The following STK38L variants were observed in gnomAD, a reference collection of about 807,000 sequenced individuals.
STK38L encodes the protein serine/threonine-protein kinase 38-like.
STK38L carries 28 observed loss-of-function variants against 59.7 expected under a neutral mutation model. The observed-to-expected ratio is 0.47, with a 90% CI of 0.35 to 0.64. The LOEUF is 0.64. Among genes scored for constraint, STK38L ranks in the 30% least tolerant of loss-of-function variants. STK38L has a pLI of 0.01. For missense variants in STK38L, 314 were observed against 555.8 expected (o/e 0.56, Z 4.37); for synonymous variants, 162 against 176.8 (o/e 0.92, Z 0.66).
intron 1 of STK38L, among the ~76,000 whole-genome samples, chr12:27,263,011 C>T (rs1381770385): frequency 6.6e-6 from 1 of 151,954 alleles, no homozygotes; most frequent in Non-Finnish European, 1.5e-5. Context: ...ATTGGCCAGG[C>T]TAGTCTTGAC....
At position 27,323,299 on chromosome 12, in the gene STK38L, G is replaced by T. The variant is rs1944773267; in HGVS notation, c.*844G>T. 6.6e-6 allele frequency: 1 copy of T among 152,296 alleles called. No individual in the cohort carries two copies. The allele number at this position is 152,296 out of a possible 1,614,324, so 9.4% of individuals were successfully genotyped here. On this transcript the variant is annotated 3_prime_UTR_variant, in exon 14 of 14. Transcript: ENST00000389032. Reference sequence around the variant, plus strand: ...GGCATTATTTTAATTTGATTATGGTGAGTTGAATTTAAGACATGACCATGA... The same window carrying T: ...GGCATTATTTTAATTTGATTATGGTTAGTTGAATTTAAGACATGACCATGA...
intron 1 of STK38L, among the ~76,000 whole-genome samples, chr12:27,281,070 T>TAACTGACTCTGGTTGTAAAAAGTAGGCA (rs1591884909): frequency 5.3e-4 from 6 of 11,380 alleles, no homozygotes; most frequent in East Asian, 1.6e-3. Flanking sequence ...TAGCTTTGTT[T>TAACTGACTCTGGTTGTAAAAAGTAGGCA]TTTTTTTTTT....
intron 1 of STK38L, among the ~76,000 whole-genome samples, chr12:27,251,599 A>G (rs529483732): frequency 5.9e-5 from 9 of 152,220 alleles, no homozygotes; most frequent in African/African-American, 1.4e-4. Context: ...TAAGGCCTCT[A>G]CAAAATTAGT....
chr12:27,270,891 G>C (rs1943409280), intron 1 of STK38L, among the ~76,000 whole-genome samples: 1 of 152,166 alleles, frequency 6.6e-6, no homozygotes, highest in Non-Finnish European at 1.5e-5. Flanking sequence ...AACTATCTAT[G>C]AATTACTTCC....
At chr12:27,314,959 C>A in intron 7 of STK38L, 56 bp from the exon 8 acceptor site, 2 of 1,360,272 alleles carry the variant, frequency 1.5e-6, no homozygotes, top group Non-Finnish European at 2.0e-6. Context: ...GAGTTTATAA[C>A]AAGGCTTTTT....
intron 6 of STK38L, 105 bp downstream of exon 6, chr12:27,312,777 TTTAC>T: frequency 1.5e-6 from 2 of 1,356,846 alleles, no homozygotes; most frequent in Non-Finnish European, 2.0e-6. Flanking sequence ...GCTCTGAGGC[TTTAC>T]ATAGTCACAG....
chr12:27,305,268 T>C lies in STK38L; in HGVS notation c.187-3071T>C, dbSNP rs1457100608. Among the ~76,000 whole-genome samples the C allele has an allele frequency of 2.6e-5, 4 of 152,378 alleles. No individual in the cohort carries two copies. The East Asian group carries it at 7.7e-4, about 29-fold the overall frequency. On this transcript the variant is annotated intron_variant, in intron 3 of 13. Coordinates refer to ENST00000389032, the MANE Select transcript of STK38L (RefSeq NM_015000.4). ...TGAATATAGTTTGTAGCTTCCTGTT[T>C]GCAACTTCTGGTCTGCATCAGCAAG...
chr12:27,315,384 CT>C, intron 9 of STK38L, 34 bp downstream of exon 9: 1 of 1,567,588 alleles, frequency 6.4e-7, no homozygotes, highest in Non-Finnish European at 8.7e-7. Context: ...AATTTTATGC[CT>C]TGGTTCTAAA....
rs755586232 is a variant in STK38L, at chr12:27,312,593, T to C, written c.438T>C (p.Asp146=). 16 of 1,614,012 alleles carry C rather than the reference T, an allele frequency of 9.9e-6. No homozygotes were observed. In the South Asian group the frequency reaches 1.8e-4, roughly 18 times the overall value. ...RAERDILVEA[D]GAWVVKMFYS... is the part of the protein sequence containing the mutation. ...AAAGAGATATTTTGGTAGAAGCAGA[T>C]GGTGCCTGGGTGGTGAAGATGTTTT... Residue 146 remains aspartate, a synonymous_variant, in exon 6 of 14, where the codon GAT becomes GAC. Transcript: ENST00000389032.
At chr12:27,315,176 G>A in intron 8 of STK38L, 59 bp downstream of exon 8, 1 of 1,574,064 alleles carries the variant, frequency 6.4e-7, no homozygotes, top group Non-Finnish European at 8.7e-7. Flanking sequence ...GAGAACAGAA[G>A]GTTCTTTCCC....
intron 1 of STK38L, among the ~76,000 whole-genome samples, chr12:27,286,844 G>T (rs1275665561): frequency 6.6e-6 from 1 of 152,018 alleles, no homozygotes; most frequent in Admixed American, 6.6e-5. Flanking sequence ...TCACTAAGGG[G>T]GTGTTTTCCC....
intron 1 of STK38L, among the ~76,000 whole-genome samples, chr12:27,270,141 GTTTAATC>G (rs2136617182): frequency 6.6e-6 from 1 of 152,306 alleles, no homozygotes; most frequent in East Asian, 1.9e-4. Context: ...GATTTCAAAA[GTTTAATC>G]TTAAGACTTT....
At chr12:27,297,920 A>G in intron 2 of STK38L, 66 bp downstream of exon 2, 1 of 1,572,630 alleles carries the variant, frequency 6.4e-7, no homozygotes, top group Non-Finnish European at 8.7e-7. Flanking sequence ...GTGGAATAGA[A>G]ACTTGTTTAC....
At chr12:27,288,854 A>G (rs1260112018) in intron 1 of STK38L, among the ~76,000 whole-genome samples, 1 of 130,198 alleles carries the variant, frequency 7.7e-6, no homozygotes, top group East Asian at 2.3e-4. Context: ...CCCCCCTGCC[A>G]TTTACTCCCC....
chr12:27,248,803 C>T (rs1942912044), intron 1 of STK38L, among the ~76,000 whole-genome samples: 1 of 152,044 alleles, frequency 6.6e-6, no homozygotes, highest in African/African-American at 2.4e-5. Context: ...ATTTAAAGCA[C>T]GTGTGTTTAT....
chr12:27,279,752 G>T (rs1943613578), intron 1 of STK38L, among the ~76,000 whole-genome samples: 1 of 151,226 alleles, frequency 6.6e-6, no homozygotes, highest in South Asian at 2.1e-4. Context: ...AAACCTTGAG[G>T]TGGTTGTTTT....
intron 1 of STK38L, among the ~76,000 whole-genome samples, chr12:27,260,416 G>T (rs1004931473): frequency 2.8e-4 from 42 of 152,144 alleles, no homozygotes; most frequent in African/African-American, 9.9e-4. Flanking sequence ...AGCATTTAGT[G>T]AAAGGGAACC....
At position 27,323,182 on chromosome 12, in the gene STK38L, C is replaced by CT. The variant is rs1944770314; in HGVS notation, c.*728dup. On this transcript the variant is annotated 3_prime_UTR_variant, in exon 14 of 14. Coordinates refer to ENST00000389032, the MANE Select transcript of STK38L (RefSeq NM_015000.4). Reference sequence around the variant, plus strand: ...TACTGATGACCTTCATATACGTAGTCTGTATACTCATAGGGAGATGTACTG... The same window carrying CT: ...TACTGATGACCTTCATATACGTAGTCTTGTATACTCATAGGGAGATGTACTG... The CT allele has an allele frequency of 6.6e-6, 1 of 152,126 alleles. No individual in the cohort carries two copies. Among genetic ancestry groups the CT allele is most frequent in the Non-Finnish European group, 1.5e-5 (1 of 67,984 alleles). The allele number at this position is 152,126 out of a possible 1,614,324, so 9.4% of individuals were successfully genotyped here. A position where few individuals can be genotyped will look rare whatever the true frequency, so the allele number is the denominator to read the frequency against.
At chr12:27,255,127 T>C (rs1485777198) in intron 1 of STK38L, among the ~76,000 whole-genome samples, 1 of 152,216 alleles carries the variant, frequency 6.6e-6, no homozygotes, top group East Asian at 1.9e-4. Flanking sequence ...AGCTTTAAGA[T>C]CTAAATCCAT....
Sources: allele counts gnomAD v4.1 joint callset (sites outside exome capture counted in the v4.1 genomes callset), GRCh38; gene constraint gnomAD v4.1.1; transcripts MANE v1.5; gene names NCBI Gene and HGNC (gene_info 2026-07-23, HGNC 2026-07-21).